Variants in UBE2D3 observed in about 807,000 individuals in gnomAD.
UBE2D3 encodes the protein ubiquitin-conjugating enzyme E2 D3.
In UBE2D3, 2 loss-of-function variants were observed where a neutral mutation model predicts 22.8. That is an observed-to-expected ratio of 0.09 (90% CI 0.04 to 0.28). UBE2D3 has a LOEUF of 0.28. UBE2D3 is among the 10% of genes least tolerant of loss of function. The probability of loss-of-function intolerance (pLI) is 1.00; values close to 1 mark genes in which losing one functional copy is unlikely to be tolerated. For synonymous variants in UBE2D3, 56 were observed against 60.4 expected, an observed-to-expected ratio of 0.93 and a Z score of 0.34; for missense variants, 27 against 182.5, an observed-to-expected ratio of 0.15 and a Z score of 4.91.
rs11418599 is a variant in UBE2D3, at chr4:102,868,072, C to CTTTTTTTTTTTTTT, written c.-129+629_-129+642dup. Among the ~76,000 whole-genome samples the CTTTTTTTTTTTTTT allele has an allele frequency of 6.7e-4, 77 of 115,250 alleles. 3 individuals carry two copies. The highest frequency in any genetic ancestry group is 2.5e-3 in the African/African-American group (71 of 28,064). The allele number at this position is 115,250 out of a possible 152,430, so 75.6% of individuals were successfully genotyped here. On this transcript the variant is annotated intron_variant, in intron 1 of 7. Coordinates refer to the UBE2D3 transcript ENST00000338145. ...AAAACCATACATAAGGCTTTAGATT[C>CTTTTTTTTTTTTTT]TTTTTTTTTTTTTTTTTTGTGACGG...
At chr4:102,807,501 C>T (rs568109688) in intron 4 of UBE2D3, among the ~76,000 whole-genome samples, 2 of 152,242 alleles carry the variant, frequency 1.3e-5, no homozygotes, top group East Asian at 3.9e-4. Flanking sequence ...TAACTGAAAA[C>T]ATATTTCAGT....
At chr4:102,849,018 T>C (rs1051552997) in intron 1 of UBE2D3, among the ~76,000 whole-genome samples, 1 of 151,618 alleles carries the variant, frequency 6.6e-6, no homozygotes, top group Admixed American at 6.6e-5. Flanking sequence ...TAATAACTTC[T>C]GTTGCAAATC....
At chr4:102,855,830 C>T (rs1732593522) in intron 1 of UBE2D3, among the ~76,000 whole-genome samples, 1 of 152,076 alleles carries the variant, frequency 6.6e-6, no homozygotes. Context: ...GCAAGGGGGA[C>T]AGAGACAAAA....
At chr4:102,849,488 T>C (rs1732234610) in intron 1 of UBE2D3, among the ~76,000 whole-genome samples, 1 of 151,374 alleles carries the variant, frequency 6.6e-6, no homozygotes, top group Admixed American at 6.6e-5. Context: ...GCCACACATA[T>C]ATTTGACCAA....
At chr4:102,811,437 T>A (rs1203077611) in intron 2 of UBE2D3, 1 of 159,552 alleles carries the variant, frequency 6.3e-6, no homozygotes, top group Non-Finnish European at 1.4e-5. Flanking sequence ...ATCCCAGCAC[T>A]TTGGGAGGCT....
At chr4:102,821,908 T>C in intron 2 of UBE2D3, among the ~76,000 whole-genome samples, 1 of 152,248 alleles carries the variant, frequency 6.6e-6, no homozygotes, top group East Asian at 1.9e-4. Flanking sequence ...AGAAAACTGC[T>C]ATTTAAAAAA....
intron 4 of UBE2D3, among the ~76,000 whole-genome samples, chr4:102,807,540 A>G (rs1023163485): frequency 6.6e-6 from 1 of 152,206 alleles, no homozygotes; most frequent in Non-Finnish European, 1.5e-5. Context: ...AAAACCCAGC[A>G]GTTGTGGTTA....
At chr4:102,855,427 T>C (rs1732573687) in intron 1 of UBE2D3, among the ~76,000 whole-genome samples, 1 of 152,170 alleles carries the variant, frequency 6.6e-6, no homozygotes, top group Non-Finnish European at 1.5e-5. Context: ...CAATTATTCA[T>C]TCAACACAAT....
rs1725226302 is a variant in UBE2D3, at chr4:102,795,902, G to A, written c.*1513C>T. On this transcript the variant is annotated 3_prime_UTR_variant, in exon 8 of 8. Transcript: ENST00000453744. ...CTATGGGATCAGAATTAGGAAAGGTGAAGAATGGTAATGCCCTTGTTACTA... is the reference window on the plus strand; with the variant it reads ...CTATGGGATCAGAATTAGGAAAGGTAAAGAATGGTAATGCCCTTGTTACTA... 1 of 152,568 alleles carries A rather than the reference G, an allele frequency of 6.6e-6. No homozygotes were observed. Among genetic ancestry groups the A allele is most frequent in the South Asian group, 2.1e-4 (1 of 4,824 alleles). The allele number at this position is 152,568 out of a possible 1,614,324, so 9.5% of individuals were successfully genotyped here.
intron 1 of UBE2D3, among the ~76,000 whole-genome samples, chr4:102,861,205 G>C (rs1351972286): frequency 6.6e-6 from 1 of 151,974 alleles, no homozygotes; most frequent in Admixed American, 6.6e-5. Flanking sequence ...TGGAGGAGAA[G>C]GATGTAGGTA....
intron 1 of UBE2D3, among the ~76,000 whole-genome samples, chr4:102,842,564 A>C (rs1042006645): frequency 6.6e-6 from 1 of 151,660 alleles, no homozygotes; most frequent in African/African-American, 2.4e-5. Flanking sequence ...AAAAAAAAAA[A>C]CCTCGAGTTT....
upstream of UBE2D3, among the ~76,000 whole-genome samples, chr4:102,830,134 C>T (rs145531144): frequency 4.2e-4 from 64 of 152,266 alleles, 1 homozygote; most frequent in African/African-American, 1.2e-3. Context: ...TCAAAAGAAA[C>T]ATAGCCTAGA....
chr4:102,852,669 T>G (rs1732420041), intron 1 of UBE2D3, among the ~76,000 whole-genome samples: 1 of 152,196 alleles, frequency 6.6e-6, no homozygotes, highest in South Asian at 2.1e-4. Context: ...CTGATTAGCT[T>G]TCATTTTGTT....
intron 2 of UBE2D3, chr4:102,812,411 C>A (rs1728185283): frequency 6.6e-6 from 1 of 152,170 alleles, no homozygotes; most frequent in Non-Finnish European, 1.5e-5. Flanking sequence ...ATAAATGAGT[C>A]CTCTAAATTT....
chr4:102,837,687 C>T (rs1405038017), intron 1 of UBE2D3, among the ~76,000 whole-genome samples: 1 of 152,110 alleles, frequency 6.6e-6, no homozygotes, highest in African/African-American at 2.4e-5. Context: ...CGCAGTGGCT[C>T]ACGCCTGTAA....
chr4:102,804,019 T>C (rs1333804191), intron 4 of UBE2D3, among the ~76,000 whole-genome samples: 2 of 152,128 alleles, frequency 1.3e-5, no homozygotes, highest in Non-Finnish European at 2.9e-5. Context: ...TCCACCCATC[T>C]CGGCCTCCCA....
intron 1 of UBE2D3, among the ~76,000 whole-genome samples, chr4:102,849,577 A>G (rs1343068389): frequency 6.6e-6 from 1 of 152,158 alleles, no homozygotes; most frequent in African/African-American, 2.4e-5. Flanking sequence ...AATATGGGCA[A>G]GTGACTTTAA....
rs1398572936 is a variant in UBE2D3, at chr4:102,823,160, G to A, written c.24+3325C>T. Among the ~76,000 whole-genome samples the A allele has an allele frequency of 4.6e-5, 7 of 151,998 alleles. No individual in the cohort carries two copies. In the East Asian group the frequency reaches 1.2e-3, roughly 25 times the overall value. On this transcript the variant is annotated intron_variant, in intron 2 of 7. Coordinates refer to ENST00000453744, the MANE Select transcript of UBE2D3 (RefSeq NM_181891.3). ...CTGCATTGTCTTAACTACTGTAATA[G>A]ATAATACTATATGCAAAAGTAAACC... is the stretch of plus-strand genomic sequence containing the variant.
intron 1 of UBE2D3, among the ~76,000 whole-genome samples, chr4:102,850,993 C>T (rs1466570273): frequency 6.6e-6 from 1 of 152,136 alleles, no homozygotes; most frequent in East Asian, 1.9e-4. Flanking sequence ...GTACATTGCT[C>T]AGGTGACAGG....
Sources: gnomAD v4.1 joint callset for allele counts (sites outside exome capture counted in the v4.1 genomes callset) on GRCh38, gnomAD v4.1.1 for gene constraint, MANE v1.5 for transcripts, NCBI Gene and HGNC (gene_info 2026-07-23, HGNC 2026-07-21) for gene names.